The following ADAMTS14 variants were observed in gnomAD, a reference collection of about 807,000 sequenced individuals.
ADAMTS14 encodes the protein A disintegrin and metalloproteinase with thrombospondin motifs 14.
In ADAMTS14, 100 loss-of-function variants were observed where a neutral mutation model predicts 128.6. The observed-to-expected ratio is 0.78, with a 90% confidence interval of 0.66 to 0.92. The LOEUF (loss-of-function observed/expected upper bound fraction) is 0.92, where lower values mean the gene tolerates loss of function less well. Among genes scored for constraint, ADAMTS14 ranks in the 40% least tolerant of loss-of-function variants. ADAMTS14 has a pLI of 0.00. For missense variants in ADAMTS14, 1,562 were observed against 1,658.6 expected (o/e 0.94, Z 1.01); for synonymous variants, 665 against 653.8 (o/e 1.02, Z -0.26).
intron 2 of ADAMTS14, among the ~76,000 whole-genome samples, chr10:70,681,585 TG>T (rs1409914524): frequency 3.9e-5 from 6 of 152,346 alleles, no homozygotes; most frequent in Non-Finnish European, 8.8e-5. Context: ...ACAGCAGACT[TG>T]TCTGTGGCTT....
intron 2 of ADAMTS14, among the ~76,000 whole-genome samples, chr10:70,697,924 C>T (rs939487265): frequency 2.0e-5 from 3 of 152,222 alleles, no homozygotes; most frequent in African/African-American, 7.2e-5. Context: ...CTTCCACCCT[C>T]ACCATCATTC....
intron 4 of ADAMTS14, among the ~76,000 whole-genome samples, chr10:70,712,749 TG>T (rs1437705807): frequency 6.6e-6 from 1 of 152,214 alleles, no homozygotes; most frequent in East Asian, 1.9e-4. Context: ...AGACACGCGG[TG>T]GCAGTGCCTG....
chr10:70,697,739 G>A (rs1840372949), intron 2 of ADAMTS14, among the ~76,000 whole-genome samples: 1 of 151,232 alleles, frequency 6.6e-6, no homozygotes, highest in Admixed American at 6.6e-5. Context: ...GTTGCCACGT[G>A]ACCATGTCTT....
intron 2 of ADAMTS14, among the ~76,000 whole-genome samples, chr10:70,681,683 C>T (rs1839808583): frequency 6.6e-6 from 1 of 152,204 alleles, no homozygotes. Flanking sequence ...TGTGGGCGCC[C>T]TGGGAAGCTG....
chr10:70,732,453 G>T, intron 7 of ADAMTS14, 94 bp downstream of exon 7: 1 of 1,195,894 alleles, frequency 8.4e-7, no homozygotes, highest in Non-Finnish European at 1.2e-6. Context: ...AGCTTGGCCT[G>T]GTTCCAGTGT....
At chr10:70,737,865 G>A (rs745556516) in intron 10 of ADAMTS14, among the ~76,000 whole-genome samples, 1 of 152,200 alleles carries the variant, frequency 6.6e-6, no homozygotes, top group African/African-American at 2.4e-5. Flanking sequence ...CTGCAGATGA[G>A]CACGGAGAAT....
chr10:70,732,308 A>G lies in ADAMTS14; in HGVS notation c.1157A>G (p.His386Arg). ...CHPLRSCALNHEDGFSSAFVI... is the reference protein window; with the variant it reads ...CHPLRSCALNREDGFSSAFVI... ...CCCCTGAGGAGCTGTGCCCTCAACC[A>G]TGAGGATGGCTTCTCCTCAGCCTTC... The change falls in exon 7 of 22, where the codon CAT (histidine) becomes CGT (arginine). Residue 386 changes from histidine (H) to arginine (R), a missense_variant. Physicochemically the swap from His to Arg is conservative, Grantham distance 29 (BLOSUM62 0). Transcript: ENST00000373207. 1 of 1,614,136 alleles carries G rather than the reference A, an allele frequency of 6.2e-7. No individual in the cohort carries two copies. The highest frequency in any genetic ancestry group is 8.5e-7 in the Non-Finnish European group (1 of 1,180,000).
At position 70,708,464 on chromosome 10, in the gene ADAMTS14, T is replaced by G. The variant is rs562593348; in HGVS notation, c.680-124T>G. ...CCTAGTATGGAGCAATCCCTCATAC[T>G]ACTTTACTTACAGAGGCAGGGAAAG... On this transcript the variant is annotated intron_variant, in intron 3 of 21. Transcript: ENST00000373207. 7.0e-5 allele frequency: 57 copies of G among 813,504 alleles called. No homozygotes were observed. In the Middle Eastern group the frequency reaches 1.5e-3, roughly 21 times the overall value. 50.4% of individuals were successfully genotyped at this position (813,504 alleles called of 1,614,324 possible).
rs540958881 is a variant in ADAMTS14, at chr10:70,731,839, G to C, written c.1103-415G>C. Among the ~76,000 whole-genome samples the C allele has an allele frequency of 6.6e-5, 10 of 152,342 alleles. 1 individual carries two copies. Among genetic ancestry groups the C allele is most frequent in the Admixed American group, 6.5e-4 (10 of 15,300 alleles). On this transcript the variant is annotated intron_variant, in intron 6 of 21. Transcript: ENST00000373207. ...TGGGTGGGTAGCGGGGTGTTGCAGG[G>C]TCGGGGTAGGCTCGGATCTGAGTCT...
At chr10:70,729,735 T>TG (rs1283819451) in intron 5 of ADAMTS14, among the ~76,000 whole-genome samples, 1 of 152,142 alleles carries the variant, frequency 6.6e-6, no homozygotes. Flanking sequence ...TATTATTAAA[T>TG]GGGGGTAGCC....
In ADAMTS14 at chr10:70,735,304, A is replaced by T; in HGVS notation, c.1485+3A>T. ...GTGGCTACCAGACCTGCTTGGCAGT[A>T]AGTAGCCATCTGGCCTCTGCCAGGT... On this transcript the variant is annotated splice_donor_region_variant and intron_variant, in intron 9 of 21. Transcript: ENST00000373207. The T allele has an allele frequency of 3.7e-6, 6 of 1,613,588 alleles. No homozygotes were observed. Among genetic ancestry groups the T allele is most frequent in the Non-Finnish European group, 4.2e-6 (5 of 1,179,796 alleles).
chr10:70,685,172 GC>G (rs1026985471), intron 2 of ADAMTS14, among the ~76,000 whole-genome samples: 1 of 152,194 alleles, frequency 6.6e-6, no homozygotes, highest in African/African-American at 2.4e-5. Flanking sequence ...GTGCCTTCCA[GC>G]CCCAGGGTGG....
chr10:70,723,683 C>G (rs1211972338), intron 4 of ADAMTS14, among the ~76,000 whole-genome samples: 1 of 152,170 alleles, frequency 6.6e-6, no homozygotes, highest in East Asian at 1.9e-4. Context: ...CTTAATACCC[C>G]CAGGGTCTTG....
At position 70,711,118 on chromosome 10, in the gene ADAMTS14, G is replaced by A. The variant is rs557122768; in HGVS notation, c.870+2340G>A. Among the ~76,000 whole-genome samples, 98 of 152,338 alleles carry A rather than the reference G, an allele frequency of 6.4e-4. 2 individuals are homozygous for A. The highest frequency in any genetic ancestry group is 2.3e-3 in the African/African-American group (94 of 41,576). ...TAATTTCTTTCGTGGGTCAAATTGG[G>A]GGAGGGACAGGTTGGAGCCAGTTAT... On this transcript the variant is annotated intron_variant, in intron 4 of 21. Coordinates refer to ENST00000373207, the MANE Select transcript of ADAMTS14 (RefSeq NM_080722.4).
chr10:70,741,047 C>T lies in ADAMTS14; in HGVS notation c.1809C>T (p.Ser603=), dbSNP rs147974933. The change falls in exon 12 of 22, where the codon AGC becomes AGT. Residue 603 remains serine, a synonymous_variant. Transcript: ENST00000373207. ...TGTTCGAGTACCAGGTCTGCAACAGCGAGGAGTGCCCTGGGACCTACGAGG... is the reference window on the plus strand; with the variant it reads ...TGTTCGAGTACCAGGTCTGCAACAGTGAGGAGTGCCCTGGGACCTACGAGG... The part of the protein sequence containing the change: ...GPMFEYQVCN[S]EECPGTYEDF... The T allele has an allele frequency of 3.8e-3, 6,197 of 1,614,102 alleles. 23 individuals are homozygous for T. Among genetic ancestry groups the T allele is most frequent in the Non-Finnish European group, 4.6e-3 (5,452 of 1,180,032 alleles).
intron 3 of ADAMTS14, among the ~76,000 whole-genome samples, chr10:70,705,360 T>A (rs933817565): frequency 6.6e-6 from 1 of 152,092 alleles, no homozygotes; most frequent in Non-Finnish European, 1.5e-5. Flanking sequence ...ACTAATGGGG[T>A]ATGTGCTCCT....
intron 15 of ADAMTS14, among the ~76,000 whole-genome samples, chr10:70,748,612 C>G (rs1222193025): frequency 6.6e-6 from 1 of 152,206 alleles, no homozygotes; most frequent in Non-Finnish European, 1.5e-5. Context: ...ACTGTGTGTC[C>G]AGGACACTGT....
chr10:70,734,686 C>T (rs529788045), intron 8 of ADAMTS14, among the ~76,000 whole-genome samples: 2 of 152,290 alleles, frequency 1.3e-5, no homozygotes, highest in Middle Eastern at 6.8e-3. Flanking sequence ...GAATGGGAGG[C>T]CAAGTGGATT....
At chr10:70,687,415 A>C (rs1840009838) in intron 2 of ADAMTS14, among the ~76,000 whole-genome samples, 1 of 37,440 alleles carries the variant, frequency 2.7e-5, no homozygotes, top group Non-Finnish European at 5.5e-5. Flanking sequence ...GCGGCCGGGC[A>C]GAGGCGCCCC....
Sources: allele counts gnomAD v4.1 joint callset (sites outside exome capture counted in the v4.1 genomes callset), GRCh38; gene constraint gnomAD v4.1.1; transcripts MANE v1.5; gene names NCBI Gene and HGNC (gene_info 2026-07-23, HGNC 2026-07-21).